The following VPS8 variants were observed in gnomAD, a reference collection of about 807,000 sequenced individuals.
The protein encoded by VPS8 is vacuolar protein sorting-associated protein 8 homolog.
In VPS8, 129 loss-of-function variants were observed where a neutral mutation model predicts 216.4. The observed-to-expected ratio is 0.60, with a 90% CI of 0.52 to 0.69. The LOEUF (loss-of-function observed/expected upper bound fraction) is 0.69, where lower values mean the gene tolerates loss of function less well. Among genes scored for constraint, VPS8 ranks in the 30% least tolerant of loss-of-function variants. The pLI, the probability that VPS8 is intolerant of heterozygous loss-of-function variation, is 0.00. For missense variants in VPS8, 1,531 were observed against 1,683.5 expected, an observed-to-expected ratio of 0.91 and a Z score of 1.59; for synonymous variants, 571 against 565.4, an observed-to-expected ratio of 1.01 and a Z score of -0.14.
rs57695506 is a variant in VPS8 at position 184,840,755 on chromosome 3, T to TG, written c.535+1011dup. Among the ~76,000 whole-genome samples, 944 of 151,298 alleles carry TG rather than the reference T, an allele frequency of 6.2e-3. 3 individuals are homozygous for TG. Among genetic ancestry groups the TG allele is most frequent in the African/African-American group, 0.021 (849 of 41,184 alleles). On this transcript the variant is annotated intron_variant, in intron 7 of 47. Coordinates refer to ENST00000625842, the MANE Select transcript of VPS8 (RefSeq NM_001009921.3). The stretch of plus-strand genomic sequence containing the variant: ...ATAAACAAAAAACTATTAGTTTTTT[T>TG]GGGGGGGGTCATTTTTAGTGTTCTC...
At chr3:185,027,554 A>T (rs1190113277) in intron 46 of VPS8, among the ~76,000 whole-genome samples, 1 of 151,986 alleles carries the variant, frequency 6.6e-6, no homozygotes, top group African/African-American at 2.4e-5. Context: ...TACGTTCTTT[A>T]TGGCAGAAAC....
intron 46 of VPS8, among the ~76,000 whole-genome samples, chr3:185,034,184 C>G (rs1435428959): frequency 6.6e-6 from 1 of 152,150 alleles, no homozygotes; most frequent in African/African-American, 2.4e-5. Flanking sequence ...AGGATTATGG[C>G]CACTAGCTCA....
At chr3:184,890,121 C>T (rs1251967998) in intron 22 of VPS8, among the ~76,000 whole-genome samples, 1 of 152,188 alleles carries the variant, frequency 6.6e-6, no homozygotes, top group Non-Finnish European at 1.5e-5. Flanking sequence ...AGCTTCATCC[C>T]AGCATAGTAT....
At chr3:184,948,200 A>G (rs970097062) in intron 36 of VPS8, among the ~76,000 whole-genome samples, 13 of 148,074 alleles carry the variant, frequency 8.8e-5, no homozygotes, top group Admixed American at 7.5e-4. Context: ...TGCAACAAGA[A>G]TAGTGATTGG....
intron 46 of VPS8, among the ~76,000 whole-genome samples, chr3:185,048,027 G>T (rs1713329029): frequency 6.6e-6 from 1 of 152,204 alleles, no homozygotes; most frequent in Non-Finnish European, 1.5e-5. Flanking sequence ...CAACCCCATA[G>T]GTGGCGACCA....
intron 44 of VPS8, among the ~76,000 whole-genome samples, chr3:184,999,287 A>G (rs1299207392): frequency 6.6e-6 from 1 of 152,012 alleles, no homozygotes; most frequent in African/African-American, 2.4e-5. Context: ...TCAAACTCCT[A>G]ACCTCAGCTG....
chr3:184,986,402 A>G (rs1020387086), intron 42 of VPS8, among the ~76,000 whole-genome samples: 17 of 152,186 alleles, frequency 1.1e-4, no homozygotes, highest in African/African-American at 4.1e-4. Context: ...AGGAGTTTGG[A>G]TTTTATTCTA....
At chr3:184,868,081 A>G in intron 18 of VPS8, 22 bp downstream of exon 18, 1 of 1,611,600 alleles carries the variant, frequency 6.2e-7, no homozygotes, top group Non-Finnish European at 8.5e-7. Context: ...GTAATTTCAC[A>G]TGTCAGAGTT....
At chr3:185,011,385 CA>C in intron 45 of VPS8, among the ~76,000 whole-genome samples, 1 of 152,270 alleles carries the variant, frequency 6.6e-6, no homozygotes, top group African/African-American at 2.4e-5. Flanking sequence ...GCTTGAATAC[CA>C]AGTATCATTC....
At chr3:184,839,518 C>T (rs1198012859) in intron 6 of VPS8, 180 bp from the exon 7 acceptor site, 10 of 581,818 alleles carry the variant, frequency 1.7e-5, no homozygotes, top group Non-Finnish European at 2.4e-5. Flanking sequence ...GAGGGATTCT[C>T]AGAAATAAAA....
At chr3:184,938,641 C>CTT (rs1298836777) in intron 35 of VPS8, among the ~76,000 whole-genome samples, 245 of 138,122 alleles carry the variant, frequency 1.8e-3, no homozygotes, top group Middle Eastern at 3.6e-3. Context: ...CTTTTCTTTT[C>CTT]TTTTTTTCTT....
At chr3:184,898,250 G>A (rs1307926267) in intron 23 of VPS8, among the ~76,000 whole-genome samples, 1 of 152,090 alleles carries the variant, frequency 6.6e-6, no homozygotes, top group Non-Finnish European at 1.5e-5. Flanking sequence ...GAGAGGGTCT[G>A]AATATGTGTT....
At chr3:184,885,333 G>A (rs573193820) in intron 21 of VPS8, among the ~76,000 whole-genome samples, 14 of 152,294 alleles carry the variant, frequency 9.2e-5, no homozygotes, top group African/African-American at 2.9e-4. Flanking sequence ...GAATACTGCC[G>A]AAGTTTGATG....
At chr3:184,826,095 C>A in intron 2 of VPS8, 68 bp from the exon 3 acceptor site, 1 of 1,160,938 alleles carries the variant, frequency 8.6e-7, no homozygotes, top group South Asian at 1.4e-5. Context: ...TTTTAATCAA[C>A]TAAAACCCCT....
rs1440354544 is a variant in VPS8, at chr3:184,843,895, C to T, written c.541+650C>T. ...TGAACAGGCTTGGGAATGAATACAGCTGACTCATAGTAAGCATAAGCATTC... is the reference window on the plus strand; with the variant it reads ...TGAACAGGCTTGGGAATGAATACAGTTGACTCATAGTAAGCATAAGCATTC... On this transcript the variant is annotated intron_variant, in intron 8 of 47. Coordinates refer to ENST00000625842, the MANE Select transcript of VPS8 (RefSeq NM_001009921.3). 2.6e-5 allele frequency among the ~76,000 whole-genome samples: 4 copies of T among 152,240 alleles called. No homozygotes were observed. In the East Asian group the frequency reaches 7.7e-4, roughly 29 times the overall value.
rs73888191 is a variant in VPS8 at position 184,849,292 on chromosome 3, T to C, written c.666+97T>C. On this transcript the variant is annotated intron_variant, in intron 9 of 47. Transcript: ENST00000625842. ...AGATCAAAGACCAAAATACGTGTTA[T>C]GAAGTAATATGTTTGTAGAGCTAAC... 4.8e-4 allele frequency: 659 copies of C among 1,369,318 alleles called. 2 individuals carry two copies. The African/African-American group carries it at 8.5e-3, about 18-fold the overall frequency. The allele number at this position is 1,369,318 out of a possible 1,614,324, so 84.8% of individuals were successfully genotyped here.
Position 184,852,364 on chromosome 3 carries a change from G to A in VPS8, c.754-136G>A, listed in dbSNP as rs930223164. 6.2e-6 allele frequency: 4 copies of A among 650,130 alleles called. No homozygotes were observed. The South Asian group carries it at 6.5e-5, about 10-fold the overall frequency. 40.3% of individuals were successfully genotyped at this position (650,130 alleles called of 1,614,324 possible). The stretch of plus-strand genomic sequence containing the variant: ...TAAGTTTGTAAGTTTAGAGTGATGA[G>A]CACTGAATCTAGTTTAGGTTATTTC... On this transcript the variant is annotated intron_variant, in intron 10 of 47. Transcript: ENST00000625842.
chr3:184,859,927 T>C lies in VPS8; in HGVS notation c.1144-58T>C, dbSNP rs1287333314. 8 of 1,298,804 alleles carry C rather than the reference T, an allele frequency of 6.2e-6. No individual in the cohort carries two copies. In the Admixed American group the frequency reaches 1.1e-4, roughly 19 times the overall value. 80.5% of individuals were successfully genotyped at this position (1,298,804 alleles called of 1,614,324 possible). ...ACTCTAGGTGGAGTATAATTAAATA[T>C]CTAAAAAAGTCCCTCAAACAGTAGC... On this transcript the variant is annotated intron_variant, in intron 14 of 47. Coordinates refer to ENST00000625842, the MANE Select transcript of VPS8 (RefSeq NM_001009921.3).
Position 184,862,919 on chromosome 3 carries a change from T to C in VPS8, c.1247T>C (p.Val416Ala), listed in dbSNP as rs1368508189. Reference protein sequence around the residue: ...NFTWINSRTVVLLDSVEKLHV... With the variant: ...NFTWINSRTVALLDSVEKLHV... Reference sequence around the variant, plus strand: ...CAGTGGATAAATTCACGCACAGTTGTGCTCTTAGACAGCGTAGAGAAGTTG... The same window carrying C: ...CAGTGGATAAATTCACGCACAGTTGCGCTCTTAGACAGCGTAGAGAAGTTG... The change falls in exon 16 of 48, where the codon GTG becomes GCG. Residue 416 changes from valine to alanine, a missense_variant. Physicochemically the swap from Val to Ala is moderately conservative, Grantham distance 64. Transcript: ENST00000625842. 1.2e-6 allele frequency: 2 copies of C among 1,613,440 alleles called. No homozygotes were observed. The highest frequency in any genetic ancestry group is 1.3e-5 in the African/African-American group (1 of 74,938).
Sources: allele counts gnomAD v4.1 joint callset (sites outside exome capture counted in the v4.1 genomes callset), GRCh38; gene constraint gnomAD v4.1.1; transcripts MANE v1.5; gene names NCBI Gene and HGNC (gene_info 2026-07-23, HGNC 2026-07-21).